The following FMN1 variants were observed in gnomAD, a reference collection of about 807,000 sequenced individuals.
FMN1 encodes the protein formin 1.
In FMN1, 110 loss-of-function variants were observed where a neutral mutation model predicts 132.4. That is an observed-to-expected ratio of 0.83 (90% CI 0.71 to 0.97). The LOEUF (loss-of-function observed/expected upper bound fraction) is 0.97. Ranked by LOEUF, FMN1 falls within the 50% of genes least tolerant of loss-of-function variation. The pLI is 0.00. For missense variants in FMN1, 1,792 were observed against 1,705.3 expected (o/e 1.05, Z -0.90); for synonymous variants, 722 against 651.7 (o/e 1.11, Z -1.64).
intron 4 of FMN1, among the ~76,000 whole-genome samples, chr15:33,093,267 TACA>T (rs2038965783): frequency 6.6e-6 from 1 of 152,190 alleles, no homozygotes; most frequent in Admixed American, 6.5e-5. Context: ...CCCAAGGCAC[TACA>T]TAAAATAAAC....
chr15:33,104,075 G>A (rs115209532), intron 4 of FMN1, among the ~76,000 whole-genome samples: 1,768 of 152,156 alleles, frequency 0.012, 27 homozygotes, highest in African/African-American at 0.041. Flanking sequence ...ATAAAATTGA[G>A]TTCATCATAT....
At chr15:33,107,221 T>C (rs345774) in intron 4 of FMN1, among the ~76,000 whole-genome samples, 107,438 of 151,688 alleles carry the variant, frequency 0.71, 38,370 homozygotes, top group East Asian at 0.84. Flanking sequence ...CCAAATCTGA[T>C]CACTTCACAC....
chr15:33,119,862 C>T (rs1041925402), intron 4 of FMN1, among the ~76,000 whole-genome samples: 7 of 152,166 alleles, frequency 4.6e-5, no homozygotes, highest in Admixed American at 1.3e-4. Context: ...TTTAGCCTTG[C>T]ATGTAAACTA....
At chr15:32,865,849 A>T (rs28638402) in intron 16 of FMN1, among the ~76,000 whole-genome samples, 21,609 of 131,570 alleles carry the variant, frequency 0.16, 2,805 homozygotes, top group African/African-American at 0.37. Context: ...AAAAAAAAAA[A>T]AAAATAAAAT....
At chr15:33,045,222 TC>T (rs1429122518) in intron 6 of FMN1, among the ~76,000 whole-genome samples, 1 of 152,176 alleles carries the variant, frequency 6.6e-6, no homozygotes, top group African/African-American at 2.4e-5. Flanking sequence ...GAGCTGCCCA[TC>T]CCGCTGCAGC....
chr15:32,791,585 G>A (rs1436267679), intron 19 of FMN1, among the ~76,000 whole-genome samples: 1 of 152,220 alleles, frequency 6.6e-6, no homozygotes, highest in Non-Finnish European at 1.5e-5. Flanking sequence ...TAGGCAGAGA[G>A]AAGAGTTAGA....
chr15:32,889,378 T>C (rs931490229), intron 15 of FMN1, among the ~76,000 whole-genome samples: 1 of 152,204 alleles, frequency 6.6e-6, no homozygotes, highest in Admixed American at 6.5e-5. Flanking sequence ...TATTCCTCTC[T>C]CTGCACAGGC....
At chr15:32,960,394 A>G (rs572644706) in intron 9 of FMN1, among the ~76,000 whole-genome samples, 15 of 152,122 alleles carry the variant, frequency 9.9e-5, no homozygotes, top group African/African-American at 3.1e-4. Flanking sequence ...ATTTGACATG[A>G]TATTTGGGTG....
rs17816946 is a variant in FMN1, at chr15:33,152,851, T to A, written c.1867+197A>T. Reference sequence around the variant, plus strand: ...AAAGTCCTGGAAGCAACTATACCTCTGAACCACTAGGTCAAAACCATCCTA... The same window carrying A: ...AAAGTCCTGGAAGCAACTATACCTCAGAACCACTAGGTCAAAACCATCCTA... On this transcript the variant is annotated intron_variant, in intron 4 of 20. Coordinates refer to ENST00000616417, the MANE Select transcript of FMN1 (RefSeq NM_001277313.2). Among the ~76,000 whole-genome samples the A allele has an allele frequency of 0.37, 55,491 of 148,824 alleles. 11,812 individuals are homozygous for A. The highest frequency in any genetic ancestry group is 0.47 in the Admixed American group (6,972 of 14,942).
chr15:33,117,040 G>A (rs1276659931), intron 4 of FMN1, among the ~76,000 whole-genome samples: 4 of 152,136 alleles, frequency 2.6e-5, no homozygotes, highest in African/African-American at 9.7e-5. Flanking sequence ...GAGGAGCTAT[G>A]GACGATCCTG....
chr15:32,843,991 C>A (rs1156932319), intron 17 of FMN1, among the ~76,000 whole-genome samples: 1 of 151,892 alleles, frequency 6.6e-6, no homozygotes, highest in Non-Finnish European at 1.5e-5. Context: ...ATAAATAAAT[C>A]AAAATTTAAA....
intron 4 of FMN1, among the ~76,000 whole-genome samples, chr15:33,130,853 A>T (rs1451739441): frequency 6.6e-6 from 1 of 152,130 alleles, no homozygotes; most frequent in Non-Finnish European, 1.5e-5. Context: ...ACTTGTACTG[A>T]GAAAAACTAG....
chr15:33,114,704 CTAAACTA>C (rs1285304628), intron 4 of FMN1, among the ~76,000 whole-genome samples: 1 of 152,130 alleles, frequency 6.6e-6, no homozygotes, highest in Non-Finnish European at 1.5e-5. Flanking sequence ...GTAATGTCTC[CTAAACTA>C]TAAACTCCAT....
intron 4 of FMN1, among the ~76,000 whole-genome samples, chr15:33,119,644 ACT>A (rs1282849505): frequency 1.3e-5 from 2 of 152,184 alleles, no homozygotes; most frequent in African/African-American, 4.8e-5. Flanking sequence ...AGAAGTGATC[ACT>A]CTGTTTTACA....
chr15:33,101,393 C>T (rs2039288516), intron 4 of FMN1, among the ~76,000 whole-genome samples: 1 of 151,664 alleles, frequency 6.6e-6, no homozygotes, highest in Admixed American at 6.6e-5. Context: ...CCCTGGGCCA[C>T]ATTGGAAGAA....
chr15:32,994,892 GT>G, intron 7 of FMN1, among the ~76,000 whole-genome samples: 1 of 152,248 alleles, frequency 6.6e-6, no homozygotes, highest in African/African-American at 2.4e-5. Context: ...GCACTTTGCT[GT>G]GCATGTTTTT....
chr15:33,128,705 C>T (rs1963370979), intron 4 of FMN1, among the ~76,000 whole-genome samples: 1 of 152,190 alleles, frequency 6.6e-6, no homozygotes. Flanking sequence ...AACCCGCGGA[C>T]CCTCACGGTA....
intron 5 of FMN1, among the ~76,000 whole-genome samples, chr15:33,075,326 A>T (rs922687723): frequency 6.6e-6 from 1 of 152,122 alleles, no homozygotes; most frequent in Non-Finnish European, 1.5e-5. Context: ...TCTCATTATA[A>T]AACAAGTATT....
At chr15:33,161,324 T>C (rs939308840) in intron 3 of FMN1, among the ~76,000 whole-genome samples, 1 of 152,204 alleles carries the variant, frequency 6.6e-6, no homozygotes, top group Non-Finnish European at 1.5e-5. Flanking sequence ...TGGGAAACAG[T>C]AACAGATTGG....
Sources: allele counts gnomAD v4.1 joint callset (sites outside exome capture counted in the v4.1 genomes callset), GRCh38; gene constraint gnomAD v4.1.1; transcripts MANE v1.5; gene names NCBI Gene and HGNC (gene_info 2026-07-23, HGNC 2026-07-21).